RAB3IP: variants seen among roughly 807,000 people sequenced by gnomAD.
RAB3IP encodes RAB3A interacting protein, also known as rab-3A-interacting protein.
A neutral mutation model predicts 59.1 loss-of-function variants in RAB3IP; 36 were observed. The ratio of observed to expected loss-of-function variants is 0.61; its 90% confidence interval spans 0.47 to 0.80. RAB3IP has a LOEUF of 0.80. RAB3IP is among the 30% of genes least tolerant of loss of function. RAB3IP has a pLI of 0.00. For missense variants in RAB3IP, 511 were observed against 536.0 expected, an observed-to-expected ratio of 0.95 and a Z score of 0.46; for synonymous variants, 207 against 191.2, an observed-to-expected ratio of 1.08 and a Z score of -0.68.
At position 69,755,487 on chromosome 12, in the gene RAB3IP, G is replaced by C; in HGVS notation, c.79G>C (p.Glu27Gln). 6.2e-7 allele frequency: 1 copy of C among 1,614,096 alleles called. No homozygotes were observed. The highest frequency in any genetic ancestry group is 2.2e-5 in the East Asian group (1 of 44,876). ...PTSPDLLGVY[E>Q]SGTQEQTTSP... is the part of the protein sequence containing the mutation. The stretch of plus-strand genomic sequence containing the variant: ...TTCTCCGGACCTTCTTGGTGTGTAT[G>C]AATCAGGAACTCAAGAGCAGACTAC... Residue 27 changes from glutamate to glutamine, a missense_variant, in exon 2 of 11, where the codon GAA becomes CAA. Transcript: ENST00000247833.
chr12:69,769,996 A>C (rs1202248938), intron 3 of RAB3IP, among the ~76,000 whole-genome samples: 2 of 152,224 alleles, frequency 1.3e-5, no homozygotes, highest in Non-Finnish European at 2.9e-5. Flanking sequence ...TATCTTCAAA[A>C]GGATCTCACT....
chr12:69,788,907 T>G (rs1876162234), intron 4 of RAB3IP, among the ~76,000 whole-genome samples: 1 of 151,994 alleles, frequency 6.6e-6, no homozygotes, highest in South Asian at 2.1e-4. Context: ...ACAGGAAAAC[T>G]CAAATGTGTG....
chr12:69,749,194 T>A (rs1338812494), intron 1 of RAB3IP, among the ~76,000 whole-genome samples: 1 of 152,176 alleles, frequency 6.6e-6, no homozygotes, highest in Non-Finnish European at 1.5e-5. Flanking sequence ...CCACTTGAGC[T>A]CCACCTCCTG....
At chr12:69,808,905 G>A (rs367629081) in intron 8 of RAB3IP, among the ~76,000 whole-genome samples, 1 of 151,746 alleles carries the variant, frequency 6.6e-6, no homozygotes, top group Non-Finnish European at 1.5e-5. Flanking sequence ...TTACATTTAA[G>A]GTTAATATTG....
At chr12:69,775,407 CT>C (rs1168177048) in intron 3 of RAB3IP, among the ~76,000 whole-genome samples, 1 of 139,374 alleles carries the variant, frequency 7.2e-6, no homozygotes, top group Non-Finnish European at 1.5e-5. Flanking sequence ...CCTTTATTTC[CT>C]TCTTCTGCCT....
intron 8 of RAB3IP, among the ~76,000 whole-genome samples, chr12:69,804,192 T>C (rs943620044): frequency 2.0e-5 from 3 of 152,258 alleles, no homozygotes; most frequent in Non-Finnish European, 4.4e-5. Context: ...ATCGCCATTC[T>C]AACTGGTGTG....
intron 4 of RAB3IP, among the ~76,000 whole-genome samples, chr12:69,787,359 A>G (rs1258577281): frequency 6.6e-6 from 1 of 152,188 alleles, no homozygotes; most frequent in Admixed American, 6.5e-5. Flanking sequence ...AAAAGATAGT[A>G]GTCTTAAGAT....
intron 3 of RAB3IP, among the ~76,000 whole-genome samples, chr12:69,760,240 C>T (rs551117519): frequency 1.2e-4 from 18 of 152,386 alleles, no homozygotes; most frequent in African/African-American, 3.6e-4. Flanking sequence ...ACCAGTCAGG[C>T]GTGGCGGCGT....
intron 3 of RAB3IP, among the ~76,000 whole-genome samples, chr12:69,765,440 T>G (rs1181968144): frequency 2.0e-5 from 3 of 152,236 alleles, no homozygotes; most frequent in South Asian, 2.1e-4. Context: ...TGAATCACAT[T>G]TATTGACTTG....
intron 1 of RAB3IP, among the ~76,000 whole-genome samples, chr12:69,744,007 T>C (rs1023885345): frequency 6.6e-5 from 10 of 152,142 alleles, no homozygotes; most frequent in Non-Finnish European, 4.4e-5. Context: ...AATTATACTT[T>C]TAAGTTCTGG....
chr12:69,800,095 T>C lies in RAB3IP; in HGVS notation c.889-114T>C, dbSNP rs1176012065. On this transcript the variant is annotated intron_variant, in intron 6 of 10. Coordinates refer to ENST00000247833, the MANE Select transcript of RAB3IP (RefSeq NM_022456.5). Reference sequence around the variant, plus strand: ...CCACCAAGAGTGGTTCAATTTATTATTTTAAATGAAGAGCTTTTTTTCAGT... The same window carrying C: ...CCACCAAGAGTGGTTCAATTTATTACTTTAAATGAAGAGCTTTTTTTCAGT... The C allele has an allele frequency of 2.0e-4, 156 of 799,216 alleles. 1 individual carries two copies. The East Asian group carries it at 5.1e-3, about 26-fold the overall frequency. 49.5% of individuals were successfully genotyped at this position (799,216 alleles called of 1,614,324 possible).
intron 3 of RAB3IP, among the ~76,000 whole-genome samples, chr12:69,769,090 GT>G (rs781271027): frequency 8.1e-4 from 123 of 152,054 alleles, no homozygotes; most frequent in Non-Finnish European, 1.4e-3. Context: ...CTCTTCTGTT[GT>G]CTGCCACCAT....
At chr12:69,808,704 C>T (rs549409321) in intron 8 of RAB3IP, among the ~76,000 whole-genome samples, 169 of 152,084 alleles carry the variant, frequency 1.1e-3, no homozygotes, top group Non-Finnish European at 2.0e-3. Flanking sequence ...CTGTTTTATC[C>T]GAGACTAGGA....
chr12:69,771,438 G>A (rs1316230224), intron 3 of RAB3IP, among the ~76,000 whole-genome samples: 1 of 151,844 alleles, frequency 6.6e-6, no homozygotes, highest in Non-Finnish European at 1.5e-5. Context: ...GAGGTGGGAG[G>A]ATTGCTTGAG....
intron 1 of RAB3IP, among the ~76,000 whole-genome samples, chr12:69,743,005 A>G (rs1292390804): frequency 6.6e-6 from 1 of 152,252 alleles, no homozygotes; most frequent in Non-Finnish European, 1.5e-5. Flanking sequence ...GCTTGTCGTT[A>G]ACAGTAGGAT....
intron 1 of RAB3IP, among the ~76,000 whole-genome samples, chr12:69,743,348 A>G (rs1284353450): frequency 6.6e-6 from 1 of 152,254 alleles, no homozygotes; most frequent in Non-Finnish European, 1.5e-5. Context: ...AAAGAATCAT[A>G]TTTGAACTAC....
intron 8 of RAB3IP, among the ~76,000 whole-genome samples, chr12:69,807,276 GCA>G (rs1879515799): frequency 6.6e-6 from 1 of 150,890 alleles, no homozygotes; most frequent in African/African-American, 2.4e-5. Flanking sequence ...CCCAGACGGG[GCA>G]GCCGGGCAGA....
At chr12:69,769,818 C>T (rs770954450) in intron 3 of RAB3IP, among the ~76,000 whole-genome samples, 30 of 152,170 alleles carry the variant, frequency 2.0e-4, no homozygotes, top group Admixed American at 3.3e-4. Context: ...ACATTTTTTT[C>T]AACTAACATC....
chr12:69,795,762 G>A, intron 6 of RAB3IP: 1 of 220,440 alleles, frequency 4.5e-6, no homozygotes, highest in Non-Finnish European at 8.8e-6. Context: ...AGAATTTTAT[G>A]TCAGCAAGGG....
Sources: allele counts gnomAD v4.1 joint callset (sites outside exome capture counted in the v4.1 genomes callset), GRCh38; gene constraint gnomAD v4.1.1; transcripts MANE v1.5; gene names NCBI Gene and HGNC (gene_info 2026-07-23, HGNC 2026-07-21).